Variants in LHFPL3 observed in about 807,000 individuals in gnomAD.
LHFPL3 encodes LHFPL tetraspan subfamily member 3, also known as LHFPL tetraspan subfamily member 3 protein.
Under a neutral mutation model 19.3 loss-of-function variants are expected in LHFPL3, and 5 were observed. That is an observed-to-expected ratio of 0.26 (90% CI 0.14 to 0.54). LHFPL3 has a LOEUF of 0.54. Among genes scored for constraint, LHFPL3 ranks in the 20% least tolerant of loss-of-function variants. The pLI is 0.94. For missense variants in LHFPL3, 249 were observed against 307.4 expected, an observed-to-expected ratio of 0.81 and a Z score of 1.42; for synonymous variants, 133 against 126.2, an observed-to-expected ratio of 1.05 and a Z score of -0.36.
intron 2 of LHFPL3, among the ~76,000 whole-genome samples, chr7:104,805,930 C>T (rs1169480602): frequency 1.3e-5 from 2 of 152,198 alleles, no homozygotes; most frequent in Non-Finnish European, 2.9e-5. Flanking sequence ...TGTGATTCCA[C>T]AGCTCAGTAT....
intron 1 of LHFPL3, among the ~76,000 whole-genome samples, chr7:104,411,013 AT>A (rs1186113594): frequency 6.6e-6 from 1 of 152,194 alleles, no homozygotes; most frequent in Non-Finnish European, 1.5e-5. Flanking sequence ...TCATCCTATG[AT>A]TTAAGCACCA....
intron 2 of LHFPL3, among the ~76,000 whole-genome samples, chr7:104,780,666 G>C (rs941660586): frequency 1.2e-4 from 18 of 152,098 alleles, no homozygotes; most frequent in African/African-American, 4.3e-4. Context: ...CACTTTGACA[G>C]CTGGTCCACA....
At chr7:104,374,796 T>G (rs1055928435) in intron 1 of LHFPL3, among the ~76,000 whole-genome samples, 1 of 152,184 alleles carries the variant, frequency 6.6e-6, no homozygotes, top group Admixed American at 6.5e-5. Context: ...CACCAGAGTG[T>G]AAGCTTTTTA....
chr7:104,435,007 G>A (rs1336950254), intron 1 of LHFPL3, among the ~76,000 whole-genome samples: 1 of 151,960 alleles, frequency 6.6e-6, no homozygotes, highest in Non-Finnish European at 1.5e-5. Context: ...GTTTGCATCT[G>A]GAATGCATCT....
chr7:104,454,734 G>A (rs770581072), intron 1 of LHFPL3, among the ~76,000 whole-genome samples: 1 of 152,076 alleles, frequency 6.6e-6, no homozygotes, highest in East Asian at 1.9e-4. Context: ...TCCATTGTTT[G>A]TTTCCTTCTC....
intron 1 of LHFPL3, among the ~76,000 whole-genome samples, chr7:104,534,892 A>G (rs2115855805): frequency 1.3e-5 from 2 of 152,340 alleles, no homozygotes; most frequent in South Asian, 4.1e-4. Context: ...TTCTTTGAAT[A>G]ACTAGATAAC....
intron 1 of LHFPL3, among the ~76,000 whole-genome samples, chr7:104,457,412 A>G (rs930292322): frequency 6.6e-6 from 1 of 151,866 alleles, no homozygotes; most frequent in Admixed American, 6.6e-5. Context: ...AATGATTTCC[A>G]ATTTCATCCA....
rs190834816 is a variant in LHFPL3, at chr7:104,862,746, G to A, written c.683-43441G>A. Reference sequence around the variant, plus strand: ...TGAACCCTGGGGCCAGCTTTCCAAGGAGCTTTATCCACACCTCTCCTTGGC... The same window carrying A: ...TGAACCCTGGGGCCAGCTTTCCAAGAAGCTTTATCCACACCTCTCCTTGGC... On this transcript the variant is annotated intron_variant, in intron 2 of 2. Coordinates refer to ENST00000424859, the MANE Select transcript of LHFPL3 (RefSeq NM_199000.3). Among the ~76,000 whole-genome samples the A allele has an allele frequency of 3.8e-3, 578 of 152,210 alleles. 5 individuals carry two copies. The highest frequency in any genetic ancestry group is 0.017 in the Middle Eastern group (5 of 294).
intron 2 of LHFPL3, among the ~76,000 whole-genome samples, chr7:104,866,622 T>C (rs1047419213): frequency 5.3e-5 from 8 of 152,140 alleles, no homozygotes; most frequent in African/African-American, 1.9e-4. Context: ...CACACAATAA[T>C]AATGGGAAAC....
intron 1 of LHFPL3, among the ~76,000 whole-genome samples, chr7:104,348,480 T>C (rs181020102): frequency 6.6e-5 from 10 of 152,376 alleles, no homozygotes; most frequent in African/African-American, 1.9e-4. Flanking sequence ...TATATAAATA[T>C]GGAATGACAC....
intron 1 of LHFPL3, among the ~76,000 whole-genome samples, chr7:104,515,596 C>T (rs1793905318): frequency 2.0e-5 from 3 of 152,078 alleles, no homozygotes; most frequent in Admixed American, 1.3e-4. Context: ...GTGACATAAA[C>T]CTCAGTTGAT....
chr7:104,543,268 G>A (rs532434042), intron 1 of LHFPL3, among the ~76,000 whole-genome samples: 2 of 152,046 alleles, frequency 1.3e-5, no homozygotes, highest in Non-Finnish European at 2.9e-5. Flanking sequence ...GAAACAACAG[G>A]TGCTGGAGAG....
chr7:104,717,399 C>T (rs1263953418), intron 1 of LHFPL3, among the ~76,000 whole-genome samples: 1 of 152,086 alleles, frequency 6.6e-6, no homozygotes, highest in Non-Finnish European at 1.5e-5. Flanking sequence ...TATTTGCAAA[C>T]TCTATATCTG....
intron 1 of LHFPL3, among the ~76,000 whole-genome samples, chr7:104,524,901 G>T (rs1272730616): frequency 6.6e-6 from 1 of 151,946 alleles, no homozygotes; most frequent in African/African-American, 2.4e-5. Flanking sequence ...ATTTTTTTCT[G>T]GTTTGGCTTC....
chr7:104,429,856 A>G (rs1791921736), intron 1 of LHFPL3, among the ~76,000 whole-genome samples: 1 of 150,958 alleles, frequency 6.6e-6, no homozygotes, highest in African/African-American at 2.5e-5. Flanking sequence ...CCAAGCCAAG[A>G]AAAAAAAAGG....
intron 2 of LHFPL3, among the ~76,000 whole-genome samples, chr7:104,789,577 G>C (rs1789983613): frequency 6.6e-6 from 1 of 152,080 alleles, no homozygotes; most frequent in East Asian, 1.9e-4. Context: ...AAGAAATTTT[G>C]GCTCCTATTT....
intron 1 of LHFPL3, among the ~76,000 whole-genome samples, chr7:104,334,982 C>T (rs569812239): frequency 6.6e-6 from 1 of 152,218 alleles, no homozygotes; most frequent in East Asian, 1.9e-4. Context: ...CCTGTCCTTC[C>T]AGGCTTTCCC....
intron 1 of LHFPL3, among the ~76,000 whole-genome samples, chr7:104,404,523 T>C (rs1261615931): frequency 6.6e-6 from 1 of 152,176 alleles, no homozygotes; most frequent in Non-Finnish European, 1.5e-5. Flanking sequence ...AGAGGTAAAG[T>C]CTGGCTTGAG....
At chr7:104,572,778 C>T (rs987839520) in intron 1 of LHFPL3, among the ~76,000 whole-genome samples, 2 of 152,128 alleles carry the variant, frequency 1.3e-5, no homozygotes, top group East Asian at 1.9e-4. Flanking sequence ...TTAGGGTCCA[C>T]ATTGAATAAT....
Sources: allele counts gnomAD v4.1 joint callset (sites outside exome capture counted in the v4.1 genomes callset), GRCh38; gene constraint gnomAD v4.1.1; transcripts MANE v1.5; gene names NCBI Gene and HGNC (gene_info 2026-07-23, HGNC 2026-07-21).